SYNPO2: variants seen among roughly 807,000 people sequenced by gnomAD.
SYNPO2 encodes the protein synaptopodin-2.
SYNPO2 carries 56 observed loss-of-function variants against 85.0 expected under a neutral mutation model. The observed-to-expected ratio is 0.66, with a 90% CI of 0.53 to 0.82. The LOEUF (loss-of-function observed/expected upper bound fraction) is 0.82. SYNPO2 is among the 40% of genes least tolerant of loss of function. The probability of loss-of-function intolerance (pLI) is 0.00; values close to 1 mark genes in which losing one functional copy is unlikely to be tolerated. For missense variants in SYNPO2, 1,575 were observed against 1,534.2 expected (o/e 1.03, Z -0.44); for synonymous variants, 602 against 591.1 (o/e 1.02, Z -0.27).
intron 1 of SYNPO2, among the ~76,000 whole-genome samples, chr4:118,990,204 T>C (rs1042920442): frequency 2.0e-5 from 3 of 152,106 alleles, no homozygotes; most frequent in African/African-American, 7.2e-5. Context: ...ATTGAAAGAA[T>C]GAAGGGAGAA....
At chr4:118,879,033 A>G (rs1731999622) in intron 1 of SYNPO2, among the ~76,000 whole-genome samples, 2 of 152,156 alleles carry the variant, frequency 1.3e-5, no homozygotes, top group South Asian at 4.1e-4. Flanking sequence ...GGAGGAATGA[A>G]CAACTCCGGA....
At chr4:118,915,994 T>G (rs896099828) in intron 1 of SYNPO2, among the ~76,000 whole-genome samples, 1 of 152,156 alleles carries the variant, frequency 6.6e-6, no homozygotes, top group Non-Finnish European at 1.5e-5. Flanking sequence ...TTTAGAACAT[T>G]TTTACATTAA....
In SYNPO2 at chr4:118,980,066, C is replaced by T. The variant is rs145716442; in HGVS notation, c.106-43364C>T. Among the ~76,000 whole-genome samples the T allele has an allele frequency of 1.2e-4, 18 of 152,184 alleles. No individual in the cohort carries two copies. The East Asian group carries it at 2.7e-3, about 23-fold the overall frequency. ...AGTTGGATACATTGCATAGTATATGCGGTTTTTAAGCTAACTTAAAGGGAA... is the reference window on the plus strand; with the variant it reads ...AGTTGGATACATTGCATAGTATATGTGGTTTTTAAGCTAACTTAAAGGGAA... On this transcript the variant is annotated intron_variant, in intron 1 of 4. Transcript: ENST00000307142.
At chr4:118,960,363 T>C (rs907833814) in intron 1 of SYNPO2, among the ~76,000 whole-genome samples, 1 of 152,162 alleles carries the variant, frequency 6.6e-6, no homozygotes, top group Non-Finnish European at 1.5e-5. Context: ...CATATCAGAA[T>C]TGCTAAAATA....
rs1733914316 is a variant in SYNPO2 at position 118,930,966 on chromosome 4, T to C, written c.105+41825T>C. Among the ~76,000 whole-genome samples, 9 of 151,088 alleles carry C rather than the reference T, an allele frequency of 6.0e-5. No homozygotes were observed. The South Asian group carries it at 1.9e-3, about 32-fold the overall frequency. The stretch of plus-strand genomic sequence containing the variant: ...TAAGTATCTTGAGGAGAGGGAAATA[T>C]CTCACTTGTGAATTCTTTACCCACA... On this transcript the variant is annotated intron_variant, in intron 1 of 4. Coordinates refer to ENST00000307142, the MANE Select transcript of SYNPO2 (RefSeq NM_133477.3).
At chr4:119,041,073 A>C (rs546439624) in intron 4 of SYNPO2, among the ~76,000 whole-genome samples, 56 of 152,324 alleles carry the variant, frequency 3.7e-4, no homozygotes, top group African/African-American at 1.3e-3. Flanking sequence ...GCTGCCTTTC[A>C]AACCCAGGGA....
intron 1 of SYNPO2, among the ~76,000 whole-genome samples, chr4:118,889,968 T>G (rs996470246): frequency 1.3e-5 from 2 of 152,212 alleles, no homozygotes; most frequent in African/African-American, 4.8e-5. Context: ...TTACCTAACC[T>G]TATCATCAAA....
chr4:119,004,256 A>C (rs991193459), intron 1 of SYNPO2, among the ~76,000 whole-genome samples: 1 of 152,156 alleles, frequency 6.6e-6, no homozygotes, highest in Non-Finnish European at 1.5e-5. Flanking sequence ...TTTAAGTTTT[A>C]GGGTACATGT....
upstream of SYNPO2, among the ~76,000 whole-genome samples, chr4:118,887,308 T>A (rs1480149304): frequency 1.3e-5 from 2 of 151,804 alleles, no homozygotes; most frequent in Non-Finnish European, 2.9e-5. Context: ...TGGGAATAAG[T>A]GGGTTGGAGG....
At chr4:118,850,974 T>C (rs1228210752) in intron 1 of SYNPO2, 2 of 398,636 alleles carry the variant, frequency 5.0e-6, no homozygotes, top group East Asian at 7.1e-5. Context: ...TGGTGTCCTC[T>C]TTATATTTCA....
rs1737969346 is a variant in SYNPO2 at position 119,026,810 on chromosome 4, A to C, written c.441A>C (p.Arg147Ser). The change falls in exon 3 of 5, where the codon AGA becomes AGC. Residue 147 changes from arginine (R) to serine (S), a missense_variant. By Grantham distance (110) the Arg-to-Ser change is moderately radical (BLOSUM62 -1). Around this residue, in one of 3 missense-constraint regions of SYNPO2, gnomAD observed 1,508 missense variants for 1,446.8 expected, o/e 1.04. Coordinates refer to ENST00000307142, the MANE Select transcript of SYNPO2 (RefSeq NM_133477.3). ...AAGTTCCCCTAGCTGAGAACCAAAGAAGTGGTCCCGACTGTGCAGGCAGCT... is the reference window on the plus strand; with the variant it reads ...AAGTTCCCCTAGCTGAGAACCAAAGCAGTGGTCCCGACTGTGCAGGCAGCT... ...KTEVPLAENQ[R>S]SGPDCAGSLK... The C allele has an allele frequency of 2.0e-5, 30 of 1,513,148 alleles. No individual in the cohort carries two copies. Among genetic ancestry groups the C allele is most frequent in the Non-Finnish European group, 2.5e-5 (28 of 1,127,196 alleles). 93.7% of individuals were successfully genotyped at this position (1,513,148 alleles called of 1,614,324 possible).
chr4:118,962,937 C>G (rs546326706), intron 1 of SYNPO2, among the ~76,000 whole-genome samples: 212 of 152,266 alleles, frequency 1.4e-3, no homozygotes, highest in African/African-American at 5.0e-3. Context: ...ATTGTGGGTG[C>G]AGCCATGATA....
Position 119,032,378 on chromosome 4 carries a change from C to T in SYNPO2, c.3252+351C>T, listed in dbSNP as rs556355025. On this transcript the variant is annotated intron_variant, in intron 4 of 4. Transcript: ENST00000307142. ...GACAGTGATCAGTGATATCAAACATCAGGAATCAGCCTTTATGTAACATAA... is the reference window on the plus strand; with the variant it reads ...GACAGTGATCAGTGATATCAAACATTAGGAATCAGCCTTTATGTAACATAA... 1.8e-5 allele frequency: 21 copies of T among 1,198,124 alleles called. No individual in the cohort carries two copies. In the African/African-American group the frequency reaches 3.3e-4, roughly 19 times the overall value. 74.2% of individuals were successfully genotyped at this position (1,198,124 alleles called of 1,614,324 possible). A position where few individuals can be genotyped will look rare whatever the true frequency, so the allele number is the denominator to read the frequency against.
intron 1 of SYNPO2, among the ~76,000 whole-genome samples, chr4:119,004,857 T>C (rs1404819507): frequency 2.6e-5 from 4 of 151,980 alleles, no homozygotes; most frequent in Non-Finnish European, 2.9e-5. Context: ...TGTAAAAGTG[T>C]TCCTATTTCT....
At chr4:118,995,418 A>G (rs76017593) in intron 1 of SYNPO2, among the ~76,000 whole-genome samples, 1,765 of 152,294 alleles carry the variant, frequency 0.012, 13 homozygotes, top group South Asian at 0.025. Flanking sequence ...GGTATCTTAT[A>G]TACATTATGT....
At chr4:118,983,267 C>T (rs910091723) in intron 1 of SYNPO2, among the ~76,000 whole-genome samples, 2 of 152,136 alleles carry the variant, frequency 1.3e-5, no homozygotes, top group African/African-American at 2.4e-5. Context: ...ACCTTTTCCT[C>T]TGTACTTAAT....
chr4:118,966,792 T>C (rs1179203410), intron 1 of SYNPO2, among the ~76,000 whole-genome samples: 4 of 152,118 alleles, frequency 2.6e-5, no homozygotes, highest in Non-Finnish European at 5.9e-5. Context: ...TTGTCCCAGA[T>C]TGTATAGATT....
chr4:118,958,180 A>T (rs1734945169), intron 1 of SYNPO2, among the ~76,000 whole-genome samples: 1 of 151,996 alleles, frequency 6.6e-6, no homozygotes, highest in African/African-American at 2.4e-5. Flanking sequence ...CATCCTTCTC[A>T]CATCTCAAAA....
At chr4:118,950,095 A>AAAC (rs34152492) in intron 1 of SYNPO2, among the ~76,000 whole-genome samples, 57,010 of 151,862 alleles carry the variant, frequency 0.38, 10,786 homozygotes, top group East Asian at 0.57. Context: ...TCACAATAGA[A>AAAC]AACTGCCACA....
Sources: gnomAD v4.1 joint callset for allele counts (sites outside exome capture counted in the v4.1 genomes callset) on GRCh38, gnomAD v4.1.1 for gene constraint, gnomAD v4.1.1 regional missense constraint, MANE v1.5 for transcripts, NCBI Gene and HGNC (gene_info 2026-07-23, HGNC 2026-07-21) for gene names.